Variants in RALGAPA2 observed in about 807,000 individuals in gnomAD.
RALGAPA2 encodes the protein ral GTPase-activating protein subunit alpha-2.
In RALGAPA2, 139 loss-of-function variants were observed where a neutral mutation model predicts 230.4. The ratio of observed to expected loss-of-function variants is 0.60; its 90% CI spans 0.53 to 0.69. RALGAPA2 has a LOEUF of 0.69. RALGAPA2 is among the 30% of genes least tolerant of loss of function. The pLI is 0.00. For missense variants in RALGAPA2, 2,163 were observed against 2,276.0 expected (o/e 0.95, Z 1.01); for synonymous variants, 847 against 837.8 (o/e 1.01, Z -0.19).
At chr20:20,410,080 C>T (rs1299498865) in intron 38 of RALGAPA2, among the ~76,000 whole-genome samples, 1 of 152,146 alleles carries the variant, frequency 6.6e-6, no homozygotes, top group East Asian at 1.9e-4. Context: ...TAGAAGAGTT[C>T]CAATGCCCAC....
At chr20:20,682,657 C>G (rs551769728) in intron 1 of RALGAPA2, among the ~76,000 whole-genome samples, 2 of 152,164 alleles carry the variant, frequency 1.3e-5, no homozygotes, top group South Asian at 4.1e-4. Context: ...TAATCTGTCT[C>G]GTCTATGAGA....
chr20:20,658,260 A>G (rs2067656210), intron 3 of RALGAPA2, among the ~76,000 whole-genome samples: 1 of 152,212 alleles, frequency 6.6e-6, no homozygotes, highest in African/African-American at 2.4e-5. Context: ...ACCCACACTG[A>G]TGCTTTTTGT....
At chr20:20,599,935 T>C (rs941091005) in intron 16 of RALGAPA2, among the ~76,000 whole-genome samples, 7 of 150,084 alleles carry the variant, frequency 4.7e-5, no homozygotes, top group African/African-American at 4.9e-5. Context: ...ATCACACCAC[T>C]GCACTTCAGC....
rs533406981 is a variant in RALGAPA2 at position 20,505,086 on chromosome 20, T to C, written c.5052+325A>G. On this transcript the variant is annotated intron_variant, in intron 34 of 39. Transcript: ENST00000202677. ...GACTTCTTCTTCAATCTCCATACTG[T>C]GGCCAAAGCCATTGCTTCTCTGCCC... 4.1e-6 allele frequency: 4 copies of C among 985,462 alleles called. No individual in the cohort carries two copies. In the East Asian group the frequency reaches 3.4e-4, roughly 84 times the overall value. 61.0% of individuals were successfully genotyped at this position (985,462 alleles called of 1,614,324 possible).
In RALGAPA2 at chr20:20,502,837, A is replaced by G. The variant is rs532850317; in HGVS notation, c.5208+514T>C. 2.6e-5 allele frequency among the ~76,000 whole-genome samples: 4 copies of G among 152,294 alleles called. 1 individual carries two copies. In the South Asian group the frequency reaches 8.3e-4, roughly 32 times the overall value. On this transcript the variant is annotated intron_variant, in intron 35 of 39. Coordinates refer to ENST00000202677, the MANE Select transcript of RALGAPA2 (RefSeq NM_020343.4). The stretch of plus-strand genomic sequence containing the variant: ...TCTTTTAAGGCGCTCCTCACTTTTA[A>G]CACAGGGTTGCCTGAGGCAAACATC...
Position 20,437,285 on chromosome 20 carries a change from CG to C in RALGAPA2, c.5496-25138del, listed in dbSNP as rs1186734696. On this transcript the variant is annotated intron_variant, in intron 37 of 39. Coordinates refer to ENST00000202677, the MANE Select transcript of RALGAPA2 (RefSeq NM_020343.4). This position sits in a 1 kb window ranked among gnomAD's most constrained non-coding sequence, Gnocchi z 4.1. ...TGACTCTGCACCCTCTGACATGCCA[CG>C]TCTCATCTGGCCACAAATCCCCATC... is the stretch of plus-strand genomic sequence containing the variant. Among the ~76,000 whole-genome samples, 1 of 152,114 alleles carries C rather than the reference CG, an allele frequency of 6.6e-6. No homozygotes were observed. The highest frequency in any genetic ancestry group is 1.5e-5 in the Non-Finnish European group (1 of 68,024).
chr20:20,620,434 C>T (rs542298621), intron 11 of RALGAPA2, 29 bp downstream of exon 11: 2 of 1,606,112 alleles, frequency 1.2e-6, no homozygotes, highest in Non-Finnish European at 1.7e-6. Context: ...TATTTACCCT[C>T]AACTCAAAAG....
chr20:20,685,319 G>A (rs899093190), intron 1 of RALGAPA2, among the ~76,000 whole-genome samples: 1 of 152,204 alleles, frequency 6.6e-6, no homozygotes, highest in Non-Finnish European at 1.5e-5. Context: ...CAGGCACCAT[G>A]GCTGAAGCCC....
intron 37 of RALGAPA2, among the ~76,000 whole-genome samples, chr20:20,454,270 G>A (rs2061057230): frequency 6.6e-6 from 1 of 152,196 alleles, no homozygotes; most frequent in African/African-American, 2.4e-5. Flanking sequence ...TCCCAGGAGA[G>A]ACCTTTGTGT....
At chr20:20,679,192 C>T (rs1024465965) in intron 2 of RALGAPA2, among the ~76,000 whole-genome samples, 1 of 152,214 alleles carries the variant, frequency 6.6e-6, no homozygotes, top group South Asian at 2.1e-4. Context: ...CACAGACTGC[C>T]CAAAGCCACT....
intron 24 of RALGAPA2, among the ~76,000 whole-genome samples, chr20:20,544,719 A>G (rs2063735753): frequency 1.3e-5 from 2 of 152,228 alleles, no homozygotes; most frequent in African/African-American, 4.8e-5. Flanking sequence ...TGTCCTTTGC[A>G]GGGATATGGA....
chr20:20,458,403 T>C (rs2061174120), intron 37 of RALGAPA2, among the ~76,000 whole-genome samples: 1 of 141,048 alleles, frequency 7.1e-6, no homozygotes, highest in Admixed American at 7.2e-5. Flanking sequence ...TTTATACATA[T>C]AATATATGTT....
intron 36 of RALGAPA2, among the ~76,000 whole-genome samples, chr20:20,480,616 C>CTGT (rs1249736434): frequency 6.6e-5 from 10 of 152,146 alleles, no homozygotes; most frequent in Non-Finnish European, 1.5e-4. Context: ...GACCACTGGA[C>CTGT]ACTGAGGCAG....
At chr20:20,449,682 C>T (rs887257517) in intron 37 of RALGAPA2, among the ~76,000 whole-genome samples, 1 of 152,162 alleles carries the variant, frequency 6.6e-6, no homozygotes, top group East Asian at 1.9e-4. Flanking sequence ...GCTTGTGATG[C>T]ACATGAACTT....
chr20:20,451,815 C>A (rs2060995340), intron 37 of RALGAPA2, among the ~76,000 whole-genome samples: 2 of 152,168 alleles, frequency 1.3e-5, no homozygotes, highest in Admixed American at 6.5e-5. Flanking sequence ...AATTTATAAT[C>A]TAAATTTCTG....
intron 7 of RALGAPA2, 61 bp from the exon 8 acceptor site, chr20:20,637,562 A>T: frequency 7.2e-7 from 1 of 1,397,498 alleles, no homozygotes; most frequent in Non-Finnish European, 9.6e-7. Flanking sequence ...ACATATACTA[A>T]ACTGAAGTGT....
intron 24 of RALGAPA2, among the ~76,000 whole-genome samples, chr20:20,538,511 G>C (rs950479059): frequency 6.6e-6 from 1 of 152,228 alleles, no homozygotes; most frequent in Non-Finnish European, 1.5e-5. Context: ...AGACGTTGCA[G>C]AGACATTTGG....
chr20:20,574,404 G>C (rs1463891901), intron 20 of RALGAPA2, among the ~76,000 whole-genome samples: 2 of 152,158 alleles, frequency 1.3e-5, no homozygotes, highest in Non-Finnish European at 2.9e-5. Flanking sequence ...GAAACAAATA[G>C]TTAATGAAGA....
At position 20,413,819 on chromosome 20, in the gene RALGAPA2, T is replaced by C. The variant is rs138462812; in HGVS notation, c.5496-1671A>G. On this transcript the variant is annotated intron_variant, in intron 37 of 39. Coordinates refer to ENST00000202677, the MANE Select transcript of RALGAPA2 (RefSeq NM_020343.4). ...ACAACCGCCCAAGGCCTGGGCAGCATGAGCCTGAACTGGCTTCTTGACTGT... is the reference window on the plus strand; with the variant it reads ...ACAACCGCCCAAGGCCTGGGCAGCACGAGCCTGAACTGGCTTCTTGACTGT... Among the ~76,000 whole-genome samples, 1,299 of 152,370 alleles carry C rather than the reference T, an allele frequency of 8.5e-3. 13 individuals are homozygous for C. Among genetic ancestry groups the C allele is most frequent in the African/African-American group, 0.029 (1,201 of 41,586 alleles).
Sources: allele counts gnomAD v4.1 joint callset (sites outside exome capture counted in the v4.1 genomes callset), GRCh38; gene constraint gnomAD v4.1.1; non-coding constraint Gnocchi (gnomAD v3.1); transcripts MANE v1.5; gene names NCBI Gene and HGNC (gene_info 2026-07-23, HGNC 2026-07-21).